CDH10: variants seen among roughly 807,000 people sequenced by gnomAD.
CDH10 encodes the protein cadherin 10, also known as cadherin-10.
Under a neutral mutation model 73.1 loss-of-function variants are expected in CDH10, and 30 were observed. The observed-to-expected ratio is 0.41, with a 90% confidence interval of 0.31 to 0.56. CDH10 has a LOEUF of 0.56. Among genes scored for constraint, CDH10 ranks in the 20% least tolerant of loss-of-function variants. The pLI is 0.27. For missense variants in CDH10, 815 were observed against 973.7 expected, an observed-to-expected ratio of 0.84 and a Z score of 2.17; for synonymous variants, 345 against 348.2, an observed-to-expected ratio of 0.99 and a Z score of 0.10.
chr5:24,498,670 T>A (rs1458078747), intron 8 of CDH10, 151 bp from the exon 9 acceptor site: 1 of 582,752 alleles, frequency 1.7e-6, no homozygotes, highest in South Asian at 2.4e-5. Flanking sequence ...ATAAAGAAAA[T>A]TACTGCAGAG....
intron 2 of CDH10, among the ~76,000 whole-genome samples, chr5:24,545,170 T>C (rs1181347137): frequency 6.6e-6 from 1 of 152,182 alleles, no homozygotes; most frequent in Middle Eastern, 3.2e-3. Flanking sequence ...TCTTATATTT[T>C]TGAAGATCAC....
intron 5 of CDH10, among the ~76,000 whole-genome samples, chr5:24,532,718 A>G (rs1443237070): frequency 6.6e-6 from 1 of 152,116 alleles, no homozygotes; most frequent in Non-Finnish European, 1.5e-5. Context: ...TGGGTTAAAG[A>G]AAAACATATA....
chr5:24,494,576 T>A (rs947750432), intron 9 of CDH10, among the ~76,000 whole-genome samples: 4 of 151,984 alleles, frequency 2.6e-5, no homozygotes, highest in Admixed American at 1.3e-4. Flanking sequence ...AAAATAAATA[T>A]ACATTTCCAA....
intron 1 of CDH10, among the ~76,000 whole-genome samples, chr5:24,619,233 AC>A (rs1370893563): frequency 6.6e-6 from 1 of 151,886 alleles, no homozygotes; most frequent in Admixed American, 6.6e-5. Flanking sequence ...TCACTCTGCC[AC>A]CCAGGCTGGA....
intron 5 of CDH10, among the ~76,000 whole-genome samples, chr5:24,534,361 T>C (rs1743861977): frequency 6.6e-6 from 1 of 152,074 alleles, no homozygotes; most frequent in Non-Finnish European, 1.5e-5. Flanking sequence ...CAGGATCTTT[T>C]AGCAAAGCAA....
intron 1 of CDH10, among the ~76,000 whole-genome samples, chr5:24,627,690 A>G (rs1435026649): frequency 6.6e-6 from 1 of 152,146 alleles, no homozygotes; most frequent in African/African-American, 2.4e-5. Context: ...ACTAGAGGCA[A>G]ATCACTCTGT....
At position 24,593,391 on chromosome 5, in the gene CDH10, G is replaced by T. The variant is rs2112093449; in HGVS notation, c.100C>A (p.Gln34Lys). 1 of 1,612,276 alleles carries T rather than the reference G, an allele frequency of 6.2e-7. No homozygotes were observed. The highest frequency in any genetic ancestry group is 8.5e-7 in the Non-Finnish European group (1 of 1,178,526). Residue 34 changes from glutamine (Q) to lysine (K), a missense_variant, in exon 2 of 12, where the codon CAA becomes AAA. Around this residue, in one of 3 missense-constraint regions of CDH10, gnomAD observed 58 missense variants for 96.7 expected, o/e 0.60. Coordinates refer to ENST00000264463, the MANE Select transcript of CDH10 (RefSeq NM_006727.5). ...GGTACACGTGAACTTAAAATTCTTTGCTGTGGCACAGGCGTCCTTCTGAAC... is the reference window on the plus strand; with the variant it reads ...GGTACACGTGAACTTAAAATTCTTTTCTGTGGCACAGGCGTCCTTCTGAAC... ...IMFRRTPVPQ[Q>K]RILSSRVPRS...
rs1745044512 is a variant in CDH10, at chr5:24,563,606, A to AAAAAG, written c.232-25933_232-25932insCTTTT. On this transcript the variant is annotated intron_variant, in intron 2 of 11. Transcript: ENST00000264463. ...GTCTCTACTAAAAATACAAAAAAAAAAAAAAAAAAAATTAGCCGGCGTGGT... is the reference window on the plus strand; with the variant it reads ...GTCTCTACTAAAAATACAAAAAAAAAAAAAGAAAAAAAAAAATTAGCCGGCGTGGT... Among the ~76,000 whole-genome samples, 3 of 146,448 alleles carry AAAAAG rather than the reference A, an allele frequency of 2.0e-5. No homozygotes were observed. In the South Asian group the frequency reaches 6.6e-4, roughly 32 times the overall value.
chr5:24,586,843 C>CTTTTTTTTTT lies in CDH10; in HGVS notation c.231+6407_231+6416dup, dbSNP rs1001227038. Among the ~76,000 whole-genome samples the CTTTTTTTTTT allele has an allele frequency of 8.4e-4, 86 of 102,748 alleles. 5 individuals carry two copies. Among genetic ancestry groups the CTTTTTTTTTT allele is most frequent in the African/African-American group, 2.0e-3 (47 of 23,780 alleles). The allele number at this position is 102,748 out of a possible 152,430, so 67.4% of individuals were successfully genotyped here. ...GTAAAACAATAAGATAGCCCATATT[C>CTTTTTTTTTT]TTTTTTTTTTTTTTTTTTTGAGCCG... On this transcript the variant is annotated intron_variant, in intron 2 of 11. Transcript: ENST00000264463.
chr5:24,601,586 G>C (rs1746566728), intron 1 of CDH10, among the ~76,000 whole-genome samples: 1 of 151,998 alleles, frequency 6.6e-6, no homozygotes, highest in African/African-American at 2.4e-5. Context: ...TCCAAGAAAA[G>C]AATACTAGTT....
chr5:24,630,013 T>G (rs539312100), intron 1 of CDH10, among the ~76,000 whole-genome samples: 4 of 152,144 alleles, frequency 2.6e-5, no homozygotes, highest in South Asian at 2.1e-4. Context: ...GTTCTACTTA[T>G]ATGGTGCATG....
chr5:24,540,974 T>C (rs1043547220), intron 2 of CDH10, among the ~76,000 whole-genome samples: 1 of 151,970 alleles, frequency 6.6e-6, no homozygotes, highest in South Asian at 2.1e-4. Flanking sequence ...AAAATGTTTA[T>C]TGGTAGGGTG....
chr5:24,523,445 G>A (rs185552052), intron 5 of CDH10, among the ~76,000 whole-genome samples: 92 of 151,746 alleles, frequency 6.1e-4, no homozygotes, highest in Admixed American at 2.2e-3. Flanking sequence ...GAAATAATCA[G>A]TTTATGATAA....
rs543979973 is a variant in CDH10 at position 24,521,721 on chromosome 5, G to A, written c.815-10207C>T. Among the ~76,000 whole-genome samples the A allele has an allele frequency of 9.2e-5, 14 of 152,168 alleles. No homozygotes were observed. The South Asian group carries it at 2.9e-3, about 32-fold the overall frequency. On this transcript the variant is annotated intron_variant, in intron 5 of 11. Coordinates refer to ENST00000264463, the MANE Select transcript of CDH10 (RefSeq NM_006727.5). ...CCAAACTATTAAACTAAACATAACTGAATATTAAAAACATAATCATTGAAG... is the reference window on the plus strand; with the variant it reads ...CCAAACTATTAAACTAAACATAACTAAATATTAAAAACATAATCATTGAAG...
intron 8 of CDH10, among the ~76,000 whole-genome samples, chr5:24,500,629 T>A (rs75245383): frequency 6.6e-6 from 1 of 152,218 alleles, no homozygotes; most frequent in Non-Finnish European, 1.5e-5. Context: ...GTTTACTCAA[T>A]ATAAATCAAA....
rs556489225 is a variant in CDH10, at chr5:24,576,424, T to C, written c.231+16836A>G. Among the ~76,000 whole-genome samples the C allele has an allele frequency of 1.2e-3, 177 of 152,268 alleles. 1 individual carries two copies. The highest frequency in any genetic ancestry group is 1.1e-3 in the Admixed American group (17 of 15,298). On this transcript the variant is annotated intron_variant, in intron 2 of 11. Transcript: ENST00000264463. ...TCTGGTAGGTTAAACCTCTTCACCATCTTTTTATTTGAAAAATGTCTTCTT... is the reference window on the plus strand; with the variant it reads ...TCTGGTAGGTTAAACCTCTTCACCACCTTTTTATTTGAAAAATGTCTTCTT...
At chr5:24,517,747 A>G (rs571607701) in intron 5 of CDH10, among the ~76,000 whole-genome samples, 1 of 152,138 alleles carries the variant, frequency 6.6e-6, no homozygotes, top group Non-Finnish European at 1.5e-5. Flanking sequence ...GAAAAGCTAA[A>G]AGTTTTTTTG....
intron 9 of CDH10, among the ~76,000 whole-genome samples, chr5:24,495,219 A>G (rs955402657): frequency 1.9e-4 from 29 of 152,188 alleles, no homozygotes; most frequent in African/African-American, 7.0e-4. Context: ...ATTTCCAATA[A>G]AAAAGTTTGC....
intron 1 of CDH10, among the ~76,000 whole-genome samples, chr5:24,598,810 C>A (rs1220272803): frequency 6.6e-6 from 1 of 152,110 alleles, no homozygotes; most frequent in Non-Finnish European, 1.5e-5. Context: ...TAGTTTTATT[C>A]TCTAGGAATG....
Sources: allele counts gnomAD v4.1 joint callset (sites outside exome capture counted in the v4.1 genomes callset), GRCh38; gene constraint gnomAD v4.1.1; regional missense constraint gnomAD v4.1.1; transcripts MANE v1.5; gene names NCBI Gene and HGNC (gene_info 2026-07-23, HGNC 2026-07-21).